The following CPA6 variants were observed in gnomAD, a reference collection of about 807,000 sequenced individuals.
CPA6 encodes carboxypeptidase A6, also known as carboxypeptidase B.
CPA6 carries 58 observed loss-of-function variants against 63.3 expected under a neutral mutation model. The observed-to-expected ratio is 0.92, with a 90% CI of 0.74 to 1.14. The LOEUF (loss-of-function observed/expected upper bound fraction) is 1.14, where lower values mean the gene tolerates loss of function less well. Ranked by LOEUF, CPA6 falls within the 50% of genes most tolerant of loss-of-function variation. CPA6 has a pLI of 0.00. For synonymous variants in CPA6, 185 were observed against 179.0 expected (o/e 1.03, Z -0.27); for missense variants, 565 against 526.6 (o/e 1.07, Z -0.71).
At chr8:67,493,495 A>G (rs889172163) in intron 6 of CPA6, among the ~76,000 whole-genome samples, 2 of 152,164 alleles carry the variant, frequency 1.3e-5, no homozygotes, top group African/African-American at 4.8e-5. Context: ...TAGCCCTCAC[A>G]TATTACTACT....
chr8:67,656,356 T>A (rs895666531), intron 1 of CPA6, among the ~76,000 whole-genome samples: 1 of 152,150 alleles, frequency 6.6e-6, no homozygotes, highest in African/African-American at 2.4e-5. Context: ...TTTTCCAGTA[T>A]CCCATTCTAC....
At chr8:67,505,904 T>A (rs1341544925) in intron 6 of CPA6, among the ~76,000 whole-genome samples, 1 of 152,184 alleles carries the variant, frequency 6.6e-6, no homozygotes, top group African/African-American at 2.4e-5. Context: ...GTGTCTTTAA[T>A]GGTTTTCTAT....
At chr8:67,489,671 T>C (rs949658638) in intron 6 of CPA6, among the ~76,000 whole-genome samples, 1 of 152,166 alleles carries the variant, frequency 6.6e-6, no homozygotes. Context: ...CTCTAATTAT[T>C]GGGTAAAGAT....
At chr8:67,541,686 G>T (rs1257516949) in intron 2 of CPA6, among the ~76,000 whole-genome samples, 1 of 152,194 alleles carries the variant, frequency 6.6e-6, no homozygotes, top group African/African-American at 2.4e-5. Flanking sequence ...TGTCTGAGGG[G>T]TTTTGTCTGC....
At chr8:67,561,100 G>A (rs534129331) in intron 2 of CPA6, among the ~76,000 whole-genome samples, 6 of 152,048 alleles carry the variant, frequency 3.9e-5, no homozygotes, top group South Asian at 4.2e-4. Context: ...TGTTACAACC[G>A]CTGTCAGTGT....
chr8:67,607,405 T>A (rs908666998), intron 2 of CPA6, among the ~76,000 whole-genome samples: 1 of 151,968 alleles, frequency 6.6e-6, no homozygotes, highest in African/African-American at 2.4e-5. Flanking sequence ...TCCCTTAATC[T>A]AAGCTACTTT....
chr8:67,670,928 T>C (rs1210346029), intron 1 of CPA6, among the ~76,000 whole-genome samples: 1 of 152,240 alleles, frequency 6.6e-6, no homozygotes, highest in Admixed American at 6.5e-5. Context: ...TGCATCATTG[T>C]CATGATTCTG....
At chr8:67,552,545 G>A (rs892239706) in intron 2 of CPA6, among the ~76,000 whole-genome samples, 2 of 151,958 alleles carry the variant, frequency 1.3e-5, no homozygotes, top group Non-Finnish European at 2.9e-5. Context: ...AGGCCAAGGC[G>A]GGCGGATCAC....
intron 1 of CPA6, among the ~76,000 whole-genome samples, chr8:67,700,308 G>C (rs1816997693): frequency 6.6e-6 from 1 of 152,154 alleles, no homozygotes; most frequent in Admixed American, 6.5e-5. Context: ...ATACTAAGGA[G>C]TTATAAACTC....
At chr8:67,565,676 G>C (rs1297168962) in intron 2 of CPA6, among the ~76,000 whole-genome samples, 1 of 152,172 alleles carries the variant, frequency 6.6e-6, no homozygotes, top group Non-Finnish European at 1.5e-5. Flanking sequence ...ATAGTTCCTT[G>C]CCAAACTGTT....
intron 1 of CPA6, among the ~76,000 whole-genome samples, chr8:67,738,195 C>T (rs1817850457): frequency 6.6e-6 from 1 of 152,184 alleles, no homozygotes; most frequent in African/African-American, 2.4e-5. Flanking sequence ...CATGTTCTCC[C>T]AGATCTGGCC....
intron 1 of CPA6, among the ~76,000 whole-genome samples, chr8:67,745,322 A>G (rs1386323070): frequency 6.6e-6 from 1 of 152,194 alleles, no homozygotes; most frequent in Non-Finnish European, 1.5e-5. Flanking sequence ...TACCACAGCA[A>G]GCCTTCAGGA....
intron 1 of CPA6, among the ~76,000 whole-genome samples, chr8:67,645,257 A>G (rs1815689681): frequency 6.6e-6 from 1 of 152,210 alleles, no homozygotes; most frequent in South Asian, 2.1e-4. Context: ...CAAATATATC[A>G]TGTTGAGAGG....
At chr8:67,454,130 A>G (rs1810618180) in intron 8 of CPA6, among the ~76,000 whole-genome samples, 1 of 152,144 alleles carries the variant, frequency 6.6e-6, no homozygotes, top group African/African-American at 2.4e-5. Flanking sequence ...TTCTATACCA[A>G]CCCTGTCTTT....
At chr8:67,517,495 C>T (rs1218122199) in intron 3 of CPA6, among the ~76,000 whole-genome samples, 2 of 152,146 alleles carry the variant, frequency 1.3e-5, no homozygotes, top group African/African-American at 2.4e-5. Flanking sequence ...TTCTTTCTGC[C>T]CTCTGACTTG....
intron 2 of CPA6, among the ~76,000 whole-genome samples, chr8:67,603,471 C>T (rs6999787): frequency 0.077 from 11,775 of 152,102 alleles, 893 homozygotes; most frequent in African/African-American, 0.19. Context: ...TGAAGAATGT[C>T]ATTAAAAGGA....
chr8:67,517,287 C>T (rs11994733), intron 3 of CPA6, among the ~76,000 whole-genome samples: 4,300 of 152,192 alleles, frequency 0.028, 198 homozygotes, highest in African/African-American at 0.096. Flanking sequence ...TTAATGCTCT[C>T]GTGATCCTAC....
chr8:67,475,310 G>A (rs1311614265), intron 8 of CPA6, among the ~76,000 whole-genome samples: 1 of 152,218 alleles, frequency 6.6e-6, no homozygotes. Context: ...TCATCAAGAA[G>A]TCAGGCCAGC....
chr8:67,424,375 T>G (rs1809838577), intron 10 of CPA6, among the ~76,000 whole-genome samples: 1 of 152,158 alleles, frequency 6.6e-6, no homozygotes, highest in East Asian at 1.9e-4. Context: ...GGTTGGGGAC[T>G]GCTGCTGTAG....
Sources: allele counts gnomAD v4.1 joint callset (sites outside exome capture counted in the v4.1 genomes callset), GRCh38; gene constraint gnomAD v4.1.1; transcripts MANE v1.5; gene names NCBI Gene and HGNC (gene_info 2026-07-23, HGNC 2026-07-21).